CTSS: variants seen among roughly 807,000 people sequenced by gnomAD.
CTSS encodes the protein cathepsin S.
CTSS carries 15 observed loss-of-function variants against 39.9 expected under a neutral mutation model. The ratio of observed to expected loss-of-function variants is 0.38; its 90% confidence interval spans 0.25 to 0.58. The LOEUF (loss-of-function observed/expected upper bound fraction) is 0.58. Among genes scored for constraint, CTSS ranks in the 20% least tolerant of loss-of-function variants. CTSS has a pLI of 0.70. For synonymous variants in CTSS, 126 were observed against 138.2 expected, an observed-to-expected ratio of 0.91 and a Z score of 0.62; for missense variants, 250 against 398.2, an observed-to-expected ratio of 0.63 and a Z score of 3.17.
chr1:150,737,334 T>A (rs2101909833), intron 7 of CTSS, among the ~76,000 whole-genome samples: 1 of 152,216 alleles, frequency 6.6e-6, no homozygotes, highest in Non-Finnish European at 1.5e-5. Context: ...ACTCCCAACC[T>A]CAGGTGATCC....
At chr1:150,754,333 C>T (rs921879385) in intron 4 of CTSS, among the ~76,000 whole-genome samples, 1 of 151,362 alleles carries the variant, frequency 6.6e-6, no homozygotes, top group African/African-American at 2.4e-5. Context: ...AAGCTGGTCT[C>T]GAACTCCTGA....
chr1:150,747,071 C>T (rs1054157079), intron 7 of CTSS, among the ~76,000 whole-genome samples: 3 of 151,960 alleles, frequency 2.0e-5, no homozygotes, highest in East Asian at 1.9e-4. Context: ...GAACTAGAGC[C>T]GTAATAGAAG....
chr1:150,754,066 T>C (rs1653062647), intron 4 of CTSS, among the ~76,000 whole-genome samples: 1 of 151,710 alleles, frequency 6.6e-6, no homozygotes, highest in Non-Finnish European at 1.5e-5. Context: ...GTTCCTTATA[T>C]AAATTACTGA....
At chr1:150,760,686 C>T (rs1172036678) in intron 2 of CTSS, among the ~76,000 whole-genome samples, 1 of 151,640 alleles carries the variant, frequency 6.6e-6, no homozygotes. Context: ...CAACACCAGC[C>T]TGGACAACAT....
chr1:150,761,523 G>A (rs1398166806), intron 2 of CTSS, among the ~76,000 whole-genome samples: 1 of 151,648 alleles, frequency 6.6e-6, no homozygotes, highest in Non-Finnish European at 1.5e-5. Flanking sequence ...CCTGAGGTCG[G>A]GAGTTTGAGA....
rs1652922089 is a variant in CTSS, at chr1:150,747,919, A to G, written c.794-40T>C. On this transcript the variant is annotated intron_variant, in intron 6 of 7. Coordinates refer to ENST00000368985, the MANE Select transcript of CTSS (RefSeq NM_004079.5). ...TGGGTGGGAAAAAAGAGTGAATACT[A>G]TAGGATAATAAAGGGCATTTTAAAA... is the stretch of plus-strand genomic sequence containing the variant. 5.4e-6 allele frequency: 7 copies of G among 1,306,328 alleles called. No homozygotes were observed. The Admixed American group carries it at 1.1e-4, about 20-fold the overall frequency. The allele number at this position is 1,306,328 out of a possible 1,614,324, so 80.9% of individuals were successfully genotyped here. A position where few individuals can be genotyped will look rare whatever the true frequency, so the allele number is the denominator to read the frequency against.
rs139570995 is a variant in CTSS, at chr1:150,756,902, G to A, written c.249+956C>T. 1.7e-3 allele frequency among the ~76,000 whole-genome samples: 258 copies of A among 152,000 alleles called. 1 individual carries two copies. Among genetic ancestry groups the A allele is most frequent in the Non-Finnish European group, 3.1e-3 (209 of 67,958 alleles). ...CAGCTAATTTTGTATTTTTAGTAGAGACAGGATTTCTCTATGTTGGTCAGG... is the reference window on the plus strand; with the variant it reads ...CAGCTAATTTTGTATTTTTAGTAGAAACAGGATTTCTCTATGTTGGTCAGG... On this transcript the variant is annotated intron_variant, in intron 3 of 7. Coordinates refer to ENST00000368985, the MANE Select transcript of CTSS (RefSeq NM_004079.5).
In CTSS at chr1:150,730,286, G is replaced by A. The variant is rs975112016; in HGVS notation, c.*2760C>T. On this transcript the variant is annotated 3_prime_UTR_variant, in exon 8 of 8. Coordinates refer to ENST00000368985, the MANE Select transcript of CTSS (RefSeq NM_004079.5). ...CCCAAAGAAACAGTTGAACTTGAAT[G>A]TTTTTTATAGTAGGTTTGATGAAGA... The A allele has an allele frequency of 2.0e-5, 3 of 152,146 alleles. No individual in the cohort carries two copies. The highest frequency in any genetic ancestry group is 7.2e-5 in the African/African-American group (3 of 41,438). The allele number at this position is 152,146 out of a possible 1,614,324, so 9.4% of individuals were successfully genotyped here. A position where few individuals can be genotyped will look rare whatever the true frequency, so the allele number is the denominator to read the frequency against.
chr1:150,742,745 G>A (rs1652793900), intron 7 of CTSS, among the ~76,000 whole-genome samples: 1 of 152,128 alleles, frequency 6.6e-6, no homozygotes, highest in African/African-American at 2.4e-5. Context: ...TGGGTGGGTT[G>A]AGGGGGGAAA....
At chr1:150,742,600 G>C (rs750070111) in intron 7 of CTSS, among the ~76,000 whole-genome samples, 2 of 152,118 alleles carry the variant, frequency 1.3e-5, no homozygotes, top group Non-Finnish European at 2.9e-5. Context: ...TTTTGAGCAG[G>C]AGTTGACATG....
chr1:150,744,976 T>C (rs1652863702), intron 7 of CTSS, among the ~76,000 whole-genome samples: 1 of 151,934 alleles, frequency 6.6e-6, no homozygotes, highest in Non-Finnish European at 1.5e-5. Flanking sequence ...GTCAATAAGA[T>C]ATGAGGGAAA....
At chr1:150,754,315 T>C (rs1408100763) in intron 4 of CTSS, among the ~76,000 whole-genome samples, 1 of 151,732 alleles carries the variant, frequency 6.6e-6, no homozygotes. Context: ...GACTTCACCA[T>C]GTTGGCCAAG....
Position 150,732,532 on chromosome 1 carries a change from T to C in CTSS, c.*514A>G, listed in dbSNP as rs897833491. 1 of 152,936 alleles carries C rather than the reference T, an allele frequency of 6.5e-6. No homozygotes were observed. Among genetic ancestry groups the C allele is most frequent in the Non-Finnish European group, 1.5e-5 (1 of 68,518 alleles). 9.5% of individuals were successfully genotyped at this position (152,936 alleles called of 1,614,324 possible). A position where few individuals can be genotyped will look rare whatever the true frequency, so the allele number is the denominator to read the frequency against. On this transcript the variant is annotated 3_prime_UTR_variant, in exon 8 of 8. Transcript: ENST00000368985. ...AACAATTTTTGTACAGTTATATCTA[T>C]AGTACATTACTAATTTACTTAGCAA...
chr1:150,740,671 C>G (rs1258974403), intron 7 of CTSS, among the ~76,000 whole-genome samples: 2 of 152,084 alleles, frequency 1.3e-5, no homozygotes, highest in African/African-American at 4.8e-5. Context: ...GGATTACAGG[C>G]ATGAGCCACT....
At chr1:150,737,124 C>G (rs936922721) in intron 7 of CTSS, among the ~76,000 whole-genome samples, 1 of 150,590 alleles carries the variant, frequency 6.6e-6, no homozygotes, top group Non-Finnish European at 1.5e-5. Context: ...TTTTTTGAGA[C>G]GGAGTTTCAC....
At chr1:150,742,992 G>A (rs913821903) in intron 7 of CTSS, among the ~76,000 whole-genome samples, 6 of 152,080 alleles carry the variant, frequency 3.9e-5, no homozygotes, top group African/African-American at 1.4e-4. Context: ...TTGGAAGTTG[G>A]ACAAGGAAGT....
chr1:150,752,472 A>G (rs2101920907), intron 4 of CTSS, among the ~76,000 whole-genome samples: 1 of 152,342 alleles, frequency 6.6e-6, no homozygotes, highest in East Asian at 1.9e-4. Context: ...TTATCTTCAG[A>G]ATTTTTTTGA....
intron 2 of CTSS, 33 bp from the exon 3 acceptor site, chr1:150,758,013 T>C (rs1352962325): frequency 6.2e-7 from 1 of 1,601,610 alleles, no homozygotes; most frequent in East Asian, 2.2e-5. Context: ...ATAGTCATAC[T>C]GCATCCTGGA....
At chr1:150,733,390 C>T (rs1310466957) in intron 7 of CTSS, among the ~76,000 whole-genome samples, 1 of 152,098 alleles carries the variant, frequency 6.6e-6, no homozygotes, top group African/African-American at 2.4e-5. Flanking sequence ...AAGATCCATC[C>T]CAGTCCTTTA....
Sources: allele counts gnomAD v4.1 joint callset (sites outside exome capture counted in the v4.1 genomes callset), GRCh38; gene constraint gnomAD v4.1.1; transcripts MANE v1.5; gene names NCBI Gene and HGNC (gene_info 2026-07-23, HGNC 2026-07-21).